The following VGLL4 variants were observed in gnomAD, a reference collection of about 807,000 sequenced individuals.
The protein encoded by VGLL4 is transcription cofactor vestigial-like protein 4.
VGLL4 carries 7 observed loss-of-function variants against 21.0 expected under a neutral mutation model. That is an observed-to-expected ratio of 0.33 (90% CI 0.19 to 0.63). The LOEUF (loss-of-function observed/expected upper bound fraction) is 0.63. Among genes scored for constraint, VGLL4 ranks in the 20% least tolerant of loss-of-function variants. The probability of loss-of-function intolerance (pLI) is 0.78; values close to 1 mark genes in which losing one functional copy is unlikely to be tolerated. For synonymous variants in VGLL4, 222 were observed against 173.2 expected, an observed-to-expected ratio of 1.28 and a Z score of -2.21; for missense variants, 394 against 425.7, an observed-to-expected ratio of 0.93 and a Z score of 0.66.
chr3:11,670,836 G>A (rs2125367287), intron 2 of VGLL4, among the ~76,000 whole-genome samples: 1 of 152,240 alleles, frequency 6.6e-6, no homozygotes, highest in African/African-American at 2.4e-5. Context: ...TCAGGAGTTT[G>A]AGACCAGCCT....
chr3:11,627,869 G>A (rs2075388623), intron 1 of VGLL4, among the ~76,000 whole-genome samples: 1 of 152,160 alleles, frequency 6.6e-6, no homozygotes, highest in South Asian at 2.1e-4. Context: ...CATCTTGCTA[G>A]GCACTGACAT....
intron 1 of VGLL4, among the ~76,000 whole-genome samples, chr3:11,602,471 G>T (rs908518410): frequency 6.7e-6 from 1 of 150,238 alleles, no homozygotes; most frequent in African/African-American, 2.5e-5. Flanking sequence ...ATATAGTCTT[G>T]GTATTTAATT....
chr3:11,561,134 C>A (rs11344852), intron 3 of VGLL4, among the ~76,000 whole-genome samples: 1 of 151,718 alleles, frequency 6.6e-6, no homozygotes, highest in South Asian at 2.1e-4. Context: ...GACCCCCCCC[C>A]AGGGTCCTCC....
chr3:11,557,956 ACAAAC>A lies in VGLL4; in HGVS notation c.*595_*599del, dbSNP rs1329141194. The A allele has an allele frequency of 6.5e-6, 1 of 153,762 alleles. No individual in the cohort carries two copies. Among genetic ancestry groups the A allele is most frequent in the African/African-American group, 2.4e-5 (1 of 41,164 alleles). 9.5% of individuals were successfully genotyped at this position (153,762 alleles called of 1,614,324 possible). A position where few individuals can be genotyped will look rare whatever the true frequency, so the allele number is the denominator to read the frequency against. ...AAAAAAAACAAAAACAGTAACAACA[ACAAAC>A]ACACAAATGGTCAGAAATGTCATCC... On this transcript the variant is annotated 3_prime_UTR_variant, in exon 5 of 5. Coordinates refer to ENST00000430365, the MANE Select transcript of VGLL4 (RefSeq NM_001128219.3).
intron 2 of VGLL4, among the ~76,000 whole-genome samples, chr3:11,666,116 G>A (rs1156359813): frequency 6.6e-6 from 1 of 152,136 alleles, no homozygotes; most frequent in Non-Finnish European, 1.5e-5. Context: ...GCCAGGCATG[G>A]TAGTGGGCGC....
At chr3:11,630,923 T>C (rs914031855) in intron 1 of VGLL4, among the ~76,000 whole-genome samples, 3 of 151,978 alleles carry the variant, frequency 2.0e-5, no homozygotes, top group African/African-American at 4.9e-5. Context: ...GTTATATATA[T>C]ACTTGGCCAC....
chr3:11,668,350 T>G (rs1178124072), intron 2 of VGLL4, among the ~76,000 whole-genome samples: 1 of 152,228 alleles, frequency 6.6e-6, no homozygotes, highest in African/African-American at 2.4e-5. Context: ...ATGCTTACTA[T>G]TGCTTGTGGA....
chr3:11,568,476 A>G lies in VGLL4; in HGVS notation c.273-3457T>C. 7.5e-7 allele frequency: 1 copy of G among 1,324,592 alleles called. No individual in the cohort carries two copies. Among genetic ancestry groups the G allele is most frequent in the Non-Finnish European group, 1.1e-6 (1 of 950,862 alleles). 82.1% of individuals were successfully genotyped at this position (1,324,592 alleles called of 1,614,324 possible). A position where few individuals can be genotyped will look rare whatever the true frequency, so the allele number is the denominator to read the frequency against. On this transcript the variant is annotated intron_variant, in intron 2 of 4. Transcript: ENST00000430365. The surrounding 1 kb of genome is among the most constrained non-coding windows in gnomAD (Gnocchi z 5.9). ...CAGGGAGAAGGGGACTTCCAGGCCC[A>G]CTAACTGGAAAGACAGTCCGTGGAA...
intron 1 of VGLL4, among the ~76,000 whole-genome samples, chr3:11,624,972 A>G (rs76080071): frequency 6.6e-6 from 1 of 152,232 alleles, no homozygotes; most frequent in East Asian, 1.9e-4. Context: ...ACAGCCCAGC[A>G]TAACTGACAA....
chr3:11,713,797 C>T (rs1306062635), intron 1 of VGLL4, among the ~76,000 whole-genome samples: 1 of 151,826 alleles, frequency 6.6e-6, no homozygotes, highest in Non-Finnish European at 1.5e-5. Flanking sequence ...TAGGTGCCTC[C>T]ACCTCCCATG....
chr3:11,662,719 A>C (rs2076055026), intron 2 of VGLL4, among the ~76,000 whole-genome samples: 1 of 152,206 alleles, frequency 6.6e-6, no homozygotes, highest in Non-Finnish European at 1.5e-5. Flanking sequence ...TGCTTTTCTT[A>C]ATTAAAAAAG....
chr3:11,698,713 A>G (rs1316712089), intron 2 of VGLL4, among the ~76,000 whole-genome samples: 3 of 152,220 alleles, frequency 2.0e-5, no homozygotes, highest in Non-Finnish European at 4.4e-5. Context: ...TATCCCTTCC[A>G]GGCCATCCAG....
chr3:11,596,150 AC>A (rs2074635233), intron 2 of VGLL4, among the ~76,000 whole-genome samples: 1 of 152,118 alleles, frequency 6.6e-6, no homozygotes, highest in Non-Finnish European at 1.5e-5. Flanking sequence ...TTAAAAGCAC[AC>A]TTTTTAGTAC....
intron 2 of VGLL4, among the ~76,000 whole-genome samples, chr3:11,598,842 T>C (rs766565905): frequency 6.6e-6 from 1 of 152,208 alleles, no homozygotes; most frequent in Non-Finnish European, 1.5e-5. Flanking sequence ...ATGACTGCTT[T>C]AGTGATAAAA....
At chr3:11,676,394 C>CAAAAAAA (rs1219773138) in intron 2 of VGLL4, among the ~76,000 whole-genome samples, 3 of 54,348 alleles carry the variant, frequency 5.5e-5, no homozygotes, top group Non-Finnish European at 8.5e-5. Context: ...GACTCTGTCT[C>CAAAAAAA]AAAAAAAAAA....
Position 11,643,420 on chromosome 3 carries a change from TACA to T in VGLL4, c.82+14_82+16del, listed in dbSNP as rs1325174113. ...CGGGACGAGCAACGGGCAGTAATTC[TACA>T]ACGGGACATCTACCTTCGTAGCACA... On this transcript the variant is annotated intron_variant, in intron 1 of 4. Transcript: ENST00000430365. 6.2e-7 allele frequency: 1 copy of T among 1,614,044 alleles called. No homozygotes were observed. Among genetic ancestry groups the T allele is most frequent in the Admixed American group, 1.7e-5 (1 of 60,028 alleles).
chr3:11,678,492 C>A (rs750146681), intron 2 of VGLL4, among the ~76,000 whole-genome samples: 1 of 152,238 alleles, frequency 6.6e-6, no homozygotes, highest in Admixed American at 6.5e-5. Context: ...GAACGCCACT[C>A]GTGGCAGCAA....
At position 11,643,817 on chromosome 3, in the gene VGLL4, G is replaced by C. The variant is rs1056425529; in HGVS notation, c.-299C>G. 2 of 1,093,498 alleles carry C rather than the reference G, an allele frequency of 1.8e-6. No homozygotes were observed. The highest frequency in any genetic ancestry group is 1.7e-5 in the African/African-American group (1 of 60,148). The allele number at this position is 1,093,498 out of a possible 1,614,324, so 67.7% of individuals were successfully genotyped here. The stretch of plus-strand genomic sequence containing the variant: ...ACAAGTCCTTCCTGGAAATGGAAAA[G>C]AGTGAAAAAGAGAAACGCGCAGCCC... On this transcript the variant is annotated 5_prime_UTR_variant, in exon 1 of 5. Transcript: ENST00000430365.
chr3:11,608,637 C>G (rs536218021), intron 1 of VGLL4, among the ~76,000 whole-genome samples: 12 of 152,268 alleles, frequency 7.9e-5, no homozygotes, highest in African/African-American at 2.2e-4. Context: ...GGGAGGAGAA[C>G]AGGGAGGAAC....
Sources: gnomAD v4.1 joint callset for allele counts (sites outside exome capture counted in the v4.1 genomes callset) on GRCh38, gnomAD v4.1.1 for gene constraint, Gnocchi (gnomAD v3.1) non-coding constraint, MANE v1.5 for transcripts, NCBI Gene and HGNC (gene_info 2026-07-23, HGNC 2026-07-21) for gene names.